MED13L: variants seen among roughly 807,000 people sequenced by gnomAD.
The protein encoded by MED13L is mediator of RNA polymerase II transcription subunit 13-like.
Under a neutral mutation model 220.9 loss-of-function variants are expected in MED13L, and 7 were observed. That is an observed-to-expected ratio of 0.03 (90% confidence interval 0.02 to 0.06). MED13L has a LOEUF of 0.06. Ranked by LOEUF, MED13L falls within the 10% of genes least tolerant of loss-of-function variation. The pLI, the probability that MED13L is intolerant of heterozygous loss-of-function variation, is 1.00. For missense variants in MED13L, 1,965 were observed against 2,760.5 expected (o/e 0.71, Z 6.46); for synonymous variants, 1,011 against 1,015.2 (o/e 1.00, Z 0.08).
At chr12:115,993,268 A>G (rs1273925433) in intron 16 of MED13L, among the ~76,000 whole-genome samples, 1 of 152,194 alleles carries the variant, frequency 6.6e-6, no homozygotes, top group East Asian at 1.9e-4. Context: ...GTATATTAGC[A>G]TATGAGTCCA....
At chr12:116,013,913 G>A in intron 8 of MED13L, among the ~76,000 whole-genome samples, 1 of 152,264 alleles carries the variant, frequency 6.6e-6, no homozygotes, top group East Asian at 1.9e-4. Flanking sequence ...TTGTGGAGGT[G>A]TAAGGTTGAT....
chr12:116,187,994 A>T (rs1464227050), intron 2 of MED13L, among the ~76,000 whole-genome samples: 7 of 152,152 alleles, frequency 4.6e-5, no homozygotes, highest in Non-Finnish European at 7.4e-5. Flanking sequence ...GCAGAATTTC[A>T]GAGTGCCAAC....
intron 5 of MED13L, among the ~76,000 whole-genome samples, chr12:116,020,858 G>A (rs1441268966): frequency 1.3e-5 from 2 of 151,940 alleles, no homozygotes; most frequent in African/African-American, 2.4e-5. Context: ...ACTCAGCATG[G>A]TCATTAAACG....
At chr12:116,053,751 C>T (rs1868705316) in intron 4 of MED13L, among the ~76,000 whole-genome samples, 1 of 152,156 alleles carries the variant, frequency 6.6e-6, no homozygotes, top group South Asian at 2.1e-4. Context: ...CTGAACTTTA[C>T]AACCTTAACT....
At chr12:116,071,664 T>G (rs576301635) in intron 4 of MED13L, among the ~76,000 whole-genome samples, 1 of 152,226 alleles carries the variant, frequency 6.6e-6, no homozygotes, top group Non-Finnish European at 1.5e-5. Flanking sequence ...TTTCATCATA[T>G]GATGTGATTA....
intron 1 of MED13L, among the ~76,000 whole-genome samples, chr12:116,274,055 T>G (rs1337783355): frequency 6.6e-6 from 1 of 152,204 alleles, no homozygotes; most frequent in Admixed American, 6.5e-5. Flanking sequence ...CAGGCAGGCA[T>G]GCACTTAATG....
At chr12:115,967,485 A>C (rs1164484029) in intron 28 of MED13L, among the ~76,000 whole-genome samples, 1 of 152,206 alleles carries the variant, frequency 6.6e-6, no homozygotes, top group Non-Finnish European at 1.5e-5. Flanking sequence ...TTAGTGCTTA[A>C]GGCTCCAAAA....
In MED13L at chr12:116,211,452, G is replaced by A. The variant is rs566122612; in HGVS notation, c.310+26016C>T. On this transcript the variant is annotated intron_variant, in intron 2 of 30. Transcript: ENST00000281928. ...AAAAAATGCACCTTTAAGACAAAAA[G>A]GTGGCTGATTCTGCCTCAGAGGGGC... Among the ~76,000 whole-genome samples the A allele has an allele frequency of 3.9e-5, 6 of 151,948 alleles. No homozygotes were observed. In the South Asian group the frequency reaches 1.0e-3, roughly 26 times the overall value.
chr12:116,134,740 G>T (rs966590378), intron 2 of MED13L, among the ~76,000 whole-genome samples: 1 of 152,122 alleles, frequency 6.6e-6, no homozygotes, highest in Non-Finnish European at 1.5e-5. Flanking sequence ...ACCATGTTAT[G>T]CTATTTACGA....
intron 3 of MED13L, among the ~76,000 whole-genome samples, chr12:116,106,266 G>C (rs900954354): frequency 3.3e-5 from 5 of 152,128 alleles, no homozygotes; most frequent in African/African-American, 7.2e-5. Flanking sequence ...TGGACTTCTG[G>C]AAGGCTGGCA....
At chr12:116,196,033 T>C (rs1593153637) in intron 2 of MED13L, among the ~76,000 whole-genome samples, 1 of 152,130 alleles carries the variant, frequency 6.6e-6, no homozygotes, top group East Asian at 1.9e-4. Context: ...AGATATATTA[T>C]GGAGGCCAGA....
At chr12:115,975,974 T>C (rs144996754) in intron 23 of MED13L, among the ~76,000 whole-genome samples, 1 of 152,218 alleles carries the variant, frequency 6.6e-6, no homozygotes, top group African/African-American at 2.4e-5. Context: ...TTAAAAGAAA[T>C]TACTATTTTA....
At chr12:116,112,303 G>C (rs1163143174) in intron 2 of MED13L, among the ~76,000 whole-genome samples, 1 of 152,110 alleles carries the variant, frequency 6.6e-6, no homozygotes, top group African/African-American at 2.4e-5. Context: ...AAAATTGGAA[G>C]GATGAAAACA....
chr12:116,091,119 T>C (rs1872161409), intron 4 of MED13L, among the ~76,000 whole-genome samples: 1 of 49,256 alleles, frequency 2.0e-5, no homozygotes, highest in Non-Finnish European at 3.3e-5. Flanking sequence ...GAACTCTGTC[T>C]CAAAAAAAAA....
At chr12:116,215,752 A>T (rs771147959) in intron 2 of MED13L, among the ~76,000 whole-genome samples, 1 of 152,192 alleles carries the variant, frequency 6.6e-6, no homozygotes. Flanking sequence ...ACCAGATGTG[A>T]TTAAAAATAC....
intron 2 of MED13L, among the ~76,000 whole-genome samples, chr12:116,235,463 T>C (rs1422977496): frequency 6.6e-6 from 1 of 152,298 alleles, no homozygotes; most frequent in South Asian, 2.1e-4. Flanking sequence ...CATTTACACA[T>C]AAAACATCTA....
chr12:116,128,104 T>C (rs1174477655), intron 2 of MED13L, among the ~76,000 whole-genome samples: 1 of 152,204 alleles, frequency 6.6e-6, no homozygotes, highest in Non-Finnish European at 1.5e-5. Flanking sequence ...ATCTATTGCT[T>C]TGTAGCAGAC....
At chr12:116,043,510 AAG>A (rs1881658575) in intron 4 of MED13L, among the ~76,000 whole-genome samples, 1 of 152,210 alleles carries the variant, frequency 6.6e-6, no homozygotes, top group Non-Finnish European at 1.5e-5. Flanking sequence ...GTAACAGAAA[AAG>A]AAATGCATTA....
intron 13 of MED13L, 75 bp from the exon 14 acceptor site, chr12:116,003,177 A>G (rs1331922076): frequency 1.5e-6 from 2 of 1,304,972 alleles, no homozygotes; most frequent in Non-Finnish European, 2.2e-6. Context: ...TTCCTAATGT[A>G]TGCCTATTGG....
Sources: gnomAD v4.1 joint callset for allele counts (sites outside exome capture counted in the v4.1 genomes callset) on GRCh38, gnomAD v4.1.1 for gene constraint, MANE v1.5 for transcripts, NCBI Gene and HGNC (gene_info 2026-07-23, HGNC 2026-07-21) for gene names.